Variants in CCDC85A observed in about 807,000 individuals in gnomAD.
CCDC85A encodes the protein coiled-coil domain-containing protein 85A.
In CCDC85A, 38 loss-of-function variants were observed where a neutral mutation model predicts 50.2. That is an observed-to-expected ratio of 0.76 (90% CI 0.58 to 0.99). CCDC85A has a LOEUF of 0.99. Among genes scored for constraint, CCDC85A ranks in the 50% least tolerant of loss-of-function variants. The probability of loss-of-function intolerance (pLI) is 0.00; values close to 1 mark genes in which losing one functional copy is unlikely to be tolerated. For synonymous variants in CCDC85A, 366 were observed against 301.4 expected (o/e 1.21, Z -2.22); for missense variants, 820 against 742.0 (o/e 1.11, Z -1.22).
chr2:56,363,962 C>G (rs1291104659), intron 3 of CCDC85A, among the ~76,000 whole-genome samples: 1 of 152,152 alleles, frequency 6.6e-6, no homozygotes, highest in East Asian at 1.9e-4. Flanking sequence ...ATGCCATAAC[C>G]TTTTACTATT....
chr2:56,370,188 C>T (rs915982842), intron 3 of CCDC85A, among the ~76,000 whole-genome samples: 1 of 152,074 alleles, frequency 6.6e-6, no homozygotes, highest in African/African-American at 2.4e-5. Context: ...TGAGTTCCAC[C>T]ATTTTGAGCC....
At chr2:56,197,822 A>G (rs920462504) in intron 2 of CCDC85A, among the ~76,000 whole-genome samples, 1 of 152,180 alleles carries the variant, frequency 6.6e-6, no homozygotes, top group East Asian at 1.9e-4. Context: ...TGTGTTTTTG[A>G]TGGGTGGAAT....
At chr2:56,269,127 C>T (rs894048086) in intron 2 of CCDC85A, among the ~76,000 whole-genome samples, 1 of 152,150 alleles carries the variant, frequency 6.6e-6, no homozygotes, top group Non-Finnish European at 1.5e-5. Context: ...TTTACATTCT[C>T]TGGCTCTGCA....
chr2:56,253,919 C>T (rs535216359), intron 2 of CCDC85A, among the ~76,000 whole-genome samples: 32 of 152,168 alleles, frequency 2.1e-4, no homozygotes, highest in Non-Finnish European at 3.8e-4. Flanking sequence ...GTTTTGTGCC[C>T]ATCTGAGTGG....
chr2:56,321,138 T>C (rs1673164459), intron 2 of CCDC85A, among the ~76,000 whole-genome samples: 1 of 152,124 alleles, frequency 6.6e-6, no homozygotes, highest in South Asian at 2.1e-4. Context: ...ATGGGATGTA[T>C]CTCAAAATAA....
intron 3 of CCDC85A, among the ~76,000 whole-genome samples, chr2:56,346,506 G>A (rs887490254): frequency 1.3e-5 from 2 of 152,204 alleles, no homozygotes; most frequent in Non-Finnish European, 2.9e-5. Flanking sequence ...TACAGCCACC[G>A]TGGCAAGTCA....
chr2:56,332,009 C>T (rs940602038), intron 2 of CCDC85A, among the ~76,000 whole-genome samples: 2 of 152,216 alleles, frequency 1.3e-5, no homozygotes, highest in African/African-American at 4.8e-5. Flanking sequence ...CCTGCCCCGC[C>T]GTGCATTGCA....
intron 2 of CCDC85A, among the ~76,000 whole-genome samples, chr2:56,296,847 C>T (rs755889229): frequency 5.9e-5 from 9 of 151,958 alleles, no homozygotes; most frequent in Non-Finnish European, 1.3e-4. Context: ...TAAAATAGGC[C>T]AGAAATGCCT....
Position 56,184,772 on chromosome 2 carries a change from G to A in CCDC85A, c.148G>A (p.Glu50Lys). ...CGAGGAGCTGCTGCAGTGGAGCAAG[G>A]AGGAGCTGATCCGCAGCCTGCGGCG... is the stretch of plus-strand genomic sequence containing the variant. The part of the protein sequence containing the change: ...SDEELLQWSK[E>K]ELIRSLRRAE... Residue 50 changes from glutamate (E) to lysine (K), a missense_variant, in exon 1 of 6, where the codon GAG becomes AAG. Physicochemically the swap from Glu to Lys is moderately conservative, Grantham distance 56. Transcript: ENST00000407595. 6.5e-7 allele frequency: 1 copy of A among 1,546,508 alleles called. No homozygotes were observed. The highest frequency in any genetic ancestry group is 8.7e-7 in the Non-Finnish European group (1 of 1,146,070).
intron 2 of CCDC85A, among the ~76,000 whole-genome samples, chr2:56,274,268 A>G (rs1016509363): frequency 6.6e-6 from 1 of 152,128 alleles, no homozygotes; most frequent in Non-Finnish European, 1.5e-5. Context: ...AACCAAAAGT[A>G]TGTGTGTGTA....
intron 2 of CCDC85A, among the ~76,000 whole-genome samples, chr2:56,310,762 T>A (rs1254683488): frequency 1.3e-5 from 2 of 152,182 alleles, no homozygotes; most frequent in Non-Finnish European, 2.9e-5. Context: ...TTTTCCAGGA[T>A]GCTAGATGGA....
chr2:56,367,719 G>A (rs1675870590), intron 3 of CCDC85A, among the ~76,000 whole-genome samples: 1 of 152,136 alleles, frequency 6.6e-6, no homozygotes, highest in Non-Finnish European at 1.5e-5. Flanking sequence ...CCCCCAATGA[G>A]AACTGACACT....
intron 2 of CCDC85A, among the ~76,000 whole-genome samples, chr2:56,283,377 G>A (rs1029855503): frequency 3.3e-5 from 5 of 152,100 alleles, no homozygotes; most frequent in African/African-American, 1.2e-4. Context: ...GTGACAATAT[G>A]GCTTTTCTTC....
chr2:56,315,141 A>T (rs1672864374), intron 2 of CCDC85A, among the ~76,000 whole-genome samples: 1 of 152,160 alleles, frequency 6.6e-6, no homozygotes, highest in African/African-American at 2.4e-5. Context: ...CTTTCAAAAC[A>T]ACTCATTTAC....
intron 2 of CCDC85A, among the ~76,000 whole-genome samples, chr2:56,254,874 A>C (rs987370375): frequency 3.3e-5 from 5 of 152,196 alleles, no homozygotes; most frequent in Non-Finnish European, 7.3e-5. Context: ...TAGTTTGATG[A>C]GGCAGGAGTG....
Position 56,360,095 on chromosome 2 carries a change from G to A in CCDC85A, c.1318-12249G>A, listed in dbSNP as rs143151893. Among the ~76,000 whole-genome samples the A allele has an allele frequency of 3.9e-5, 6 of 152,290 alleles. No individual in the cohort carries two copies. In the East Asian group the frequency reaches 9.6e-4, roughly 24 times the overall value. Reference sequence around the variant, plus strand: ...GCTTAAAAAGATTAGCCAGTGTGATGTTCACGTTGTATGCTATAAATACAT... The same window carrying A: ...GCTTAAAAAGATTAGCCAGTGTGATATTCACGTTGTATGCTATAAATACAT... On this transcript the variant is annotated intron_variant, in intron 3 of 5. Coordinates refer to ENST00000407595, the MANE Select transcript of CCDC85A (RefSeq NM_001080433.2).
chr2:56,349,506 A>G (rs1454701808), intron 3 of CCDC85A, among the ~76,000 whole-genome samples: 1 of 152,224 alleles, frequency 6.6e-6, no homozygotes, highest in Non-Finnish European at 1.5e-5. Context: ...GTCAGAGAGT[A>G]TAATTCACAG....
At chr2:56,381,925 G>A (rs192968081) in intron 5 of CCDC85A, among the ~76,000 whole-genome samples, 2 of 151,974 alleles carry the variant, frequency 1.3e-5, no homozygotes, top group African/African-American at 2.4e-5. Context: ...ATTTTTTAGT[G>A]TATAAGATAC....
At chr2:56,198,447 A>G (rs1043478090) in intron 2 of CCDC85A, among the ~76,000 whole-genome samples, 3 of 152,240 alleles carry the variant, frequency 2.0e-5, no homozygotes, top group South Asian at 2.1e-4. Context: ...TCAAACTTCA[A>G]TACTGTAATT....
Sources: gnomAD v4.1 joint callset for allele counts (sites outside exome capture counted in the v4.1 genomes callset) on GRCh38, gnomAD v4.1.1 for gene constraint, MANE v1.5 for transcripts, NCBI Gene and HGNC (gene_info 2026-07-23, HGNC 2026-07-21) for gene names.